Variants in CSNK1G1 observed in about 807,000 individuals in gnomAD.
The protein encoded by CSNK1G1 is casein kinase 1 gamma 1.
CSNK1G1 carries 22 observed loss-of-function variants against 59.6 expected under a neutral mutation model. The ratio of observed to expected loss-of-function variants is 0.37; its 90% CI spans 0.26 to 0.53. CSNK1G1 has a LOEUF of 0.53. Ranked by LOEUF, CSNK1G1 falls within the 20% of genes least tolerant of loss-of-function variation. The pLI, the probability that CSNK1G1 is intolerant of heterozygous loss-of-function variation, is 0.89. For missense variants in CSNK1G1, 384 were observed against 519.5 expected (o/e 0.74, Z 2.54); for synonymous variants, 179 against 177.1 (o/e 1.01, Z -0.08).
Position 64,187,106 on chromosome 15 carries a change from C to A in CSNK1G1, c.1108-6652G>T, listed in dbSNP as rs140811006. Reference sequence around the variant, plus strand: ...AAAGTGCTGGGATTATAGGTGCGAGCCACCACGCCTGGCCATCCTAGCTAA... The same window carrying A: ...AAAGTGCTGGGATTATAGGTGCGAGACACCACGCCTGGCCATCCTAGCTAA... On this transcript the variant is annotated intron_variant, in intron 10 of 11. Transcript: ENST00000303052. Among the ~76,000 whole-genome samples, 457 of 152,208 alleles carry A rather than the reference C, an allele frequency of 3.0e-3. 1 individual carries two copies. The highest frequency in any genetic ancestry group is 0.011 in the African/African-American group (440 of 41,514).
chr15:64,170,883 T>C lies in CSNK1G1; in HGVS notation c.*1048A>G, dbSNP rs1449075421. The C allele has an allele frequency of 2.0e-5, 3 of 152,568 alleles. No homozygotes were observed. Among genetic ancestry groups the C allele is most frequent in the African/African-American group, 4.8e-5 (2 of 41,418 alleles). The allele number at this position is 152,568 out of a possible 1,614,324, so 9.5% of individuals were successfully genotyped here. On this transcript the variant is annotated 3_prime_UTR_variant, in exon 12 of 12. Coordinates refer to ENST00000303052, the MANE Select transcript of CSNK1G1 (RefSeq NM_022048.5). ...GCTAGGTTTTCAAACTGTAAGCTGA[T>C]TAGGTCAAGATGCTCTGGTAGGGAC...
chr15:64,258,616 A>T (rs1403273390), intron 3 of CSNK1G1, among the ~76,000 whole-genome samples: 1 of 152,128 alleles, frequency 6.6e-6, no homozygotes, highest in African/African-American at 2.4e-5. Flanking sequence ...AAGATAAAGA[A>T]TTCTGTCTTT....
chr15:64,207,126 G>A (rs972900429), intron 7 of CSNK1G1, among the ~76,000 whole-genome samples: 5 of 152,084 alleles, frequency 3.3e-5, no homozygotes, highest in African/African-American at 9.7e-5. Context: ...CCAAGAACAA[G>A]GAAAAATTAA....
At chr15:64,254,063 C>T (rs1179991398) in intron 3 of CSNK1G1, among the ~76,000 whole-genome samples, 1 of 152,136 alleles carries the variant, frequency 6.6e-6, no homozygotes, top group Non-Finnish European at 1.5e-5. Context: ...TTGCTTGAAC[C>T]CGGCAGGTGG....
At chr15:64,236,271 G>T (rs1596138626) in intron 4 of CSNK1G1, among the ~76,000 whole-genome samples, 2 of 151,984 alleles carry the variant, frequency 1.3e-5, no homozygotes, top group African/African-American at 2.4e-5. Flanking sequence ...AGATGACAAT[G>T]TCTAAATCTT....
intron 1 of CSNK1G1, among the ~76,000 whole-genome samples, chr15:64,324,719 C>T (rs1347185366): frequency 1.3e-5 from 2 of 152,186 alleles, no homozygotes; most frequent in African/African-American, 2.4e-5. Context: ...TTCATATATA[C>T]ATATATTCTA....
chr15:64,251,954 A>G (rs1287714233), intron 3 of CSNK1G1, among the ~76,000 whole-genome samples: 1 of 152,162 alleles, frequency 6.6e-6, no homozygotes, highest in Non-Finnish European at 1.5e-5. Context: ...TGGGTGGTTC[A>G]TGGTTTTATT....
chr15:64,339,358 G>C (rs775057175), intron 1 of CSNK1G1, among the ~76,000 whole-genome samples: 2 of 152,140 alleles, frequency 1.3e-5, no homozygotes, highest in Non-Finnish European at 2.9e-5. Flanking sequence ...TCTCGCCCAA[G>C]GGGGAGTGCA....
At chr15:64,286,520 T>G (rs1263748205) in intron 2 of CSNK1G1, among the ~76,000 whole-genome samples, 1 of 152,076 alleles carries the variant, frequency 6.6e-6, no homozygotes, top group East Asian at 1.9e-4. Context: ...TTATCTTATA[T>G]ATTTCTTCTA....
At chr15:64,348,154 C>A (rs1004991705) in intron 1 of CSNK1G1, among the ~76,000 whole-genome samples, 8 of 151,946 alleles carry the variant, frequency 5.3e-5, no homozygotes, top group Non-Finnish European at 8.8e-5. Flanking sequence ...TCAGTGTCTG[C>A]CAGTAATTCA....
intron 4 of CSNK1G1, among the ~76,000 whole-genome samples, chr15:64,226,106 G>A (rs1425236101): frequency 6.6e-6 from 1 of 152,148 alleles, no homozygotes; most frequent in Non-Finnish European, 1.5e-5. Flanking sequence ...CCAAGAACTT[G>A]GACAACTCAC....
chr15:64,325,808 G>A (rs920533593), intron 1 of CSNK1G1, among the ~76,000 whole-genome samples: 1 of 152,164 alleles, frequency 6.6e-6, no homozygotes, highest in African/African-American at 2.4e-5. Context: ...ATTAGAGAGG[G>A]TAAGTAATTG....
intron 2 of CSNK1G1, among the ~76,000 whole-genome samples, chr15:64,275,414 A>G (rs1384050255): frequency 1.3e-5 from 2 of 152,236 alleles, no homozygotes; most frequent in Non-Finnish European, 2.9e-5. Flanking sequence ...GAAAAAAAGC[A>G]GATAATGTTT....
intron 1 of CSNK1G1, chr15:64,317,037 C>T (rs1005790120): frequency 2.0e-5 from 3 of 152,108 alleles, no homozygotes; most frequent in Admixed American, 6.5e-5. Flanking sequence ...GCTTGTCCTG[C>T]TACATCATAA....
chr15:64,206,309 G>A (rs1444010310), intron 7 of CSNK1G1, among the ~76,000 whole-genome samples: 1 of 152,044 alleles, frequency 6.6e-6, no homozygotes, highest in Non-Finnish European at 1.5e-5. Context: ...GTGTGGTGGC[G>A]TGTGCCTGTA....
intron 2 of CSNK1G1, among the ~76,000 whole-genome samples, chr15:64,271,432 G>T (rs1393841370): frequency 1.3e-5 from 2 of 151,560 alleles, no homozygotes. Context: ...GAGACCACAG[G>T]TGCACATCAC....
intron 1 of CSNK1G1, among the ~76,000 whole-genome samples, chr15:64,334,047 T>A (rs1897252779): frequency 6.6e-6 from 1 of 152,146 alleles, no homozygotes; most frequent in Non-Finnish European, 1.5e-5. Flanking sequence ...AACACTGGAT[T>A]TAAACTGCAC....
chr15:64,179,878 A>C (rs1227982928), intron 11 of CSNK1G1, among the ~76,000 whole-genome samples: 1 of 152,192 alleles, frequency 6.6e-6, no homozygotes, highest in Non-Finnish European at 1.5e-5. Flanking sequence ...TTCTTGCCTG[A>C]CTTAGTCTCT....
At chr15:64,297,482 G>A (rs960494623) in intron 2 of CSNK1G1, among the ~76,000 whole-genome samples, 9 of 152,094 alleles carry the variant, frequency 5.9e-5, no homozygotes, top group Non-Finnish European at 1.2e-4. Context: ...GCCAAGGCAG[G>A]AGAATCGCTT....
Sources: allele counts gnomAD v4.1 joint callset (sites outside exome capture counted in the v4.1 genomes callset), GRCh38; gene constraint gnomAD v4.1.1; transcripts MANE v1.5; gene names NCBI Gene and HGNC (gene_info 2026-07-23, HGNC 2026-07-21).